Variants in CSMD3 observed in about 807,000 individuals in gnomAD.
CSMD3 encodes the protein CUB and Sushi multiple domains 3, also known as CUB and sushi domain-containing protein 3.
In CSMD3, 177 loss-of-function variants were observed where a neutral mutation model predicts 435.2. The ratio of observed to expected loss-of-function variants is 0.41; its 90% CI spans 0.36 to 0.46. The LOEUF (loss-of-function observed/expected upper bound fraction) is 0.46. Among genes scored for constraint, CSMD3 ranks in the 20% least tolerant of loss-of-function variants. The pLI is 0.34. For synonymous variants in CSMD3, 1,656 were observed against 1,520.5 expected, an observed-to-expected ratio of 1.09 and a Z score of -2.07; for missense variants, 4,265 against 4,504.6, an observed-to-expected ratio of 0.95 and a Z score of 1.52.
chr8:112,629,710 A>C (rs2074460766), intron 22 of CSMD3, among the ~76,000 whole-genome samples: 1 of 152,180 alleles, frequency 6.6e-6, no homozygotes. Context: ...TGTTTTACGC[A>C]GGGAATAGAC....
At chr8:113,248,333 T>A (rs941416525) in intron 3 of CSMD3, among the ~76,000 whole-genome samples, 1 of 150,976 alleles carries the variant, frequency 6.6e-6, no homozygotes, top group African/African-American at 2.4e-5. Flanking sequence ...TTTGTTTTAG[T>A]GTTTAAAAAC....
At chr8:112,857,992 A>G (rs2129834205) in intron 11 of CSMD3, among the ~76,000 whole-genome samples, 1 of 151,770 alleles carries the variant, frequency 6.6e-6, no homozygotes, top group East Asian at 1.9e-4. Context: ...AAGTTTATAG[A>G]GATAATTTGG....
At position 112,598,313 on chromosome 8, in the gene CSMD3, G is replaced by T. The variant is rs556155822; in HGVS notation, c.3716-11078C>A. ...ATACCTAGGAATCCAACTTACAAGG[G>T]ATGGGAAGGACCTCTTCAAGGAGAA... On this transcript the variant is annotated intron_variant, in intron 22 of 70. Coordinates refer to ENST00000297405, the MANE Select transcript of CSMD3 (RefSeq NM_198123.2). 2.2e-3 allele frequency among the ~76,000 whole-genome samples: 330 copies of T among 147,858 alleles called. 1 individual carries two copies. Among genetic ancestry groups the T allele is most frequent in the African/African-American group, 8.0e-3 (314 of 39,398 alleles).
chr8:112,933,343 T>C (rs1168307532), intron 9 of CSMD3, among the ~76,000 whole-genome samples: 2 of 152,194 alleles, frequency 1.3e-5, no homozygotes, highest in Non-Finnish European at 2.9e-5. Context: ...TTTTTACCAG[T>C]TTGTAATATG....
intron 32 of CSMD3, among the ~76,000 whole-genome samples, chr8:112,447,747 G>T (rs1267794871): frequency 6.6e-6 from 1 of 152,134 alleles, no homozygotes; most frequent in Non-Finnish European, 1.5e-5. Flanking sequence ...AGTTTGAAAT[G>T]TATTGAATTT....
chr8:113,340,189 T>A (rs1189513983), intron 1 of CSMD3, among the ~76,000 whole-genome samples: 3 of 152,074 alleles, frequency 2.0e-5, no homozygotes, highest in Non-Finnish European at 2.9e-5. Flanking sequence ...TATTGACTTG[T>A]AAGTTTTGTA....
At chr8:112,498,757 A>G (rs992091630) in intron 30 of CSMD3, among the ~76,000 whole-genome samples, 5 of 152,110 alleles carry the variant, frequency 3.3e-5, no homozygotes, top group Non-Finnish European at 4.4e-5. Flanking sequence ...TAAACAGGTC[A>G]TATGTATAAG....
At chr8:113,425,554 G>A (rs1031191504) in intron 1 of CSMD3, among the ~76,000 whole-genome samples, 10 of 151,244 alleles carry the variant, frequency 6.6e-5, no homozygotes, top group African/African-American at 2.2e-4. Flanking sequence ...AGGTCAAAAT[G>A]TCATTTCTGA....
At chr8:112,749,967 A>G (rs1327544419) in intron 13 of CSMD3, among the ~76,000 whole-genome samples, 2 of 152,114 alleles carry the variant, frequency 1.3e-5, no homozygotes, top group East Asian at 3.9e-4. Context: ...AAATAGAAAG[A>G]AAAGAGAATA....
intron 32 of CSMD3, among the ~76,000 whole-genome samples, chr8:112,439,005 C>T (rs1814687691): frequency 6.6e-6 from 1 of 152,076 alleles, no homozygotes; most frequent in Non-Finnish European, 1.5e-5. Context: ...GTTGAACCTC[C>T]CTGCTTAAAT....
chr8:113,237,029 T>C (rs762454544), intron 3 of CSMD3, among the ~76,000 whole-genome samples: 6 of 152,158 alleles, frequency 3.9e-5, no homozygotes, highest in Admixed American at 6.6e-5. Context: ...TGGGGTTCCC[T>C]TTAGGAGAAC....
intron 1 of CSMD3, among the ~76,000 whole-genome samples, chr8:113,399,106 T>TATATATATATATACACACACAC (rs773585004): frequency 1.9e-4 from 18 of 95,062 alleles, no homozygotes; most frequent in African/African-American, 6.8e-4. Flanking sequence ...TATATATATA[T>TATATATATATATACACACACAC]ACACACACAC....
chr8:112,310,851 T>G (rs555648401), intron 50 of CSMD3, 127 bp downstream of exon 50: 1 of 782,080 alleles, frequency 1.3e-6, no homozygotes, highest in South Asian at 1.5e-5. Flanking sequence ...CTTGTTTTTA[T>G]GAAAAGAGTT....
At chr8:112,818,207 C>T (rs984398983) in intron 12 of CSMD3, among the ~76,000 whole-genome samples, 14 of 151,718 alleles carry the variant, frequency 9.2e-5, no homozygotes, top group African/African-American at 1.2e-4. Context: ...AATACTTTGA[C>T]GGAATTAGAA....
intron 35 of CSMD3, among the ~76,000 whole-genome samples, chr8:112,405,214 C>CATATATAT (rs71309768): frequency 0.046 from 877 of 18,922 alleles, 39 homozygotes; most frequent in Non-Finnish European, 0.059. Context: ...AAAAAACCCC[C>CATATATAT]ATATATATAT....
At chr8:112,262,316 T>C (rs1816495400) in intron 61 of CSMD3, among the ~76,000 whole-genome samples, 1 of 152,126 alleles carries the variant, frequency 6.6e-6, no homozygotes, top group Admixed American at 6.6e-5. Flanking sequence ...TTACTTTCTA[T>C]ACCTACATCA....
intron 11 of CSMD3, among the ~76,000 whole-genome samples, chr8:112,834,723 A>G (rs1250928596): frequency 6.6e-6 from 1 of 151,766 alleles, no homozygotes; most frequent in African/African-American, 2.4e-5. Flanking sequence ...ACAAATAGTC[A>G]TAAGTATAAT....
chr8:112,593,840 A>C (rs1831412622), intron 22 of CSMD3, among the ~76,000 whole-genome samples: 1 of 152,192 alleles, frequency 6.6e-6, no homozygotes, highest in Admixed American at 6.5e-5. Context: ...GTTTGGGAAG[A>C]AAGGAACTAT....
chr8:112,713,365 T>C (rs1367579091), intron 13 of CSMD3, among the ~76,000 whole-genome samples: 7 of 149,218 alleles, frequency 4.7e-5, no homozygotes, highest in Non-Finnish European at 1.0e-4. Flanking sequence ...AGAAAATAAA[T>C]AAATAAATAA....
Sources: allele counts gnomAD v4.1 joint callset (sites outside exome capture counted in the v4.1 genomes callset), GRCh38; gene constraint gnomAD v4.1.1; transcripts MANE v1.5; gene names NCBI Gene and HGNC (gene_info 2026-07-23, HGNC 2026-07-21).